The following PBX3 variants were observed in gnomAD, a reference collection of about 807,000 sequenced individuals.
PBX3 encodes PBX homeobox 3, also known as pre-B-cell leukemia transcription factor 3.
Under a neutral mutation model 48.5 loss-of-function variants are expected in PBX3, and 14 were observed. The ratio of observed to expected loss-of-function variants is 0.29; its 90% CI spans 0.19 to 0.45. PBX3 has a LOEUF of 0.45. Among genes scored for constraint, PBX3 ranks in the 20% least tolerant of loss-of-function variants. The pLI, the probability that PBX3 is intolerant of heterozygous loss-of-function variation, is 1.00. For synonymous variants in PBX3, 210 were observed against 200.3 expected (o/e 1.05, Z -0.41); for missense variants, 386 against 546.7 (o/e 0.71, Z 2.93).
intron 2 of PBX3, among the ~76,000 whole-genome samples, chr9:125,866,740 T>C (rs1839991339): frequency 1.3e-5 from 2 of 152,210 alleles, no homozygotes; most frequent in South Asian, 4.1e-4. Context: ...AACTTTGTTT[T>C]AAAATAGCAT....
chr9:125,747,447 C>A lies in PBX3; in HGVS notation c.-7C>A. 4 of 1,485,690 alleles carry A rather than the reference C, an allele frequency of 2.7e-6. No individual in the cohort carries two copies. The highest frequency in any genetic ancestry group is 2.3e-5 in the Admixed American group (1 of 44,214). The allele number at this position is 1,485,690 out of a possible 1,614,324, so 92.0% of individuals were successfully genotyped here. ...GCCGCCGCCCGCTCCCGCCCGCGCG[C>A]GGCGGGATGGACGATCAATCCAGGA... On this transcript the variant is annotated 5_prime_UTR_variant, in exon 1 of 9. Coordinates refer to ENST00000373489, the MANE Select transcript of PBX3 (RefSeq NM_006195.6).
intron 5 of PBX3, among the ~76,000 whole-genome samples, chr9:125,955,739 A>G (rs116442709): frequency 1.7e-3 from 266 of 152,302 alleles, no homozygotes; most frequent in African/African-American, 6.2e-3. Flanking sequence ...CTCTTCCTCC[A>G]AATCCTGTTG....
rs573623588 is a variant in PBX3, at chr9:125,853,537, C to T, written c.275-62149C>T. ...AGAATACATCAAAATGTAGCTGACC[C>T]GGGATGCCACAAATGGCCCCCTAAC... On this transcript the variant is annotated intron_variant, in intron 2 of 8. Transcript: ENST00000373489. 6.6e-5 allele frequency among the ~76,000 whole-genome samples: 10 copies of T among 152,188 alleles called. No homozygotes were observed. In the South Asian group the frequency reaches 8.3e-4, roughly 13 times the overall value.
At chr9:125,782,342 C>A (rs1402368492) in intron 2 of PBX3, among the ~76,000 whole-genome samples, 2 of 152,114 alleles carry the variant, frequency 1.3e-5, no homozygotes, top group Non-Finnish European at 2.9e-5. Context: ...TTACGTCCCA[C>A]CCCTCCCCTC....
In PBX3 at chr9:125,803,151, T is replaced by C. The variant is rs1838018876; in HGVS notation, c.274+54528T>C. Among the ~76,000 whole-genome samples the C allele has an allele frequency of 4.8e-5, 7 of 147,362 alleles. 1 individual carries two copies. In the Admixed American group the frequency reaches 4.9e-4, roughly 10 times the overall value. ...CTGTGTCGCCCAGGCTGGAGTGCAG[T>C]GGTGCGATCTCCCCTCACTGCAAAC... On this transcript the variant is annotated intron_variant, in intron 2 of 8. Coordinates refer to ENST00000373489, the MANE Select transcript of PBX3 (RefSeq NM_006195.6).
intron 2 of PBX3, among the ~76,000 whole-genome samples, chr9:125,752,029 A>G (rs1836390063): frequency 1.3e-5 from 2 of 152,250 alleles, no homozygotes; most frequent in African/African-American, 4.8e-5. Context: ...AGTAGATAAT[A>G]TGAATCACAT....
At chr9:125,889,382 T>G (rs967817034) in intron 2 of PBX3, among the ~76,000 whole-genome samples, 6 of 152,234 alleles carry the variant, frequency 3.9e-5, no homozygotes, top group African/African-American at 1.4e-4. Flanking sequence ...GCCCCTTTCC[T>G]CCGGTCCCGA....
intron 2 of PBX3, among the ~76,000 whole-genome samples, chr9:125,773,471 T>C (rs1836993317): frequency 6.6e-6 from 1 of 152,208 alleles, no homozygotes; most frequent in Non-Finnish European, 1.5e-5. Context: ...CATGACACTG[T>C]ATTTAATTAC....
chr9:125,887,889 T>C (rs1457328706), intron 2 of PBX3, among the ~76,000 whole-genome samples: 2 of 152,178 alleles, frequency 1.3e-5, no homozygotes, highest in African/African-American at 4.8e-5. Flanking sequence ...CCAATAAGAA[T>C]TTTACTGCAG....
At position 125,935,610 on chromosome 9, in the gene PBX3, G is replaced by A. The variant is rs773215681; in HGVS notation, c.843+3G>A. The A allele has an allele frequency of 1.9e-6, 3 of 1,613,502 alleles. No homozygotes were observed. The Admixed American group carries it at 5.0e-5, about 27-fold the overall frequency. Reference sequence around the variant, plus strand: ...AATGCAGCATCACAGTGTCACAGGTGAGAAAGGACCCATGGGTCTGTCTTG... The same window carrying A: ...AATGCAGCATCACAGTGTCACAGGTAAGAAAGGACCCATGGGTCTGTCTTG... On this transcript the variant is annotated splice_donor_region_variant and intron_variant, in intron 5 of 8. Coordinates refer to ENST00000373489, the MANE Select transcript of PBX3 (RefSeq NM_006195.6).
chr9:125,878,249 G>A (rs1293862697), intron 2 of PBX3, among the ~76,000 whole-genome samples: 1 of 152,206 alleles, frequency 6.6e-6, no homozygotes, highest in Non-Finnish European at 1.5e-5. Context: ...CTGGCAGCAA[G>A]CACAGTGAAA....
chr9:125,898,729 T>C (rs1296541039), intron 2 of PBX3, among the ~76,000 whole-genome samples: 1 of 151,890 alleles, frequency 6.6e-6, no homozygotes, highest in Non-Finnish European at 1.5e-5. Flanking sequence ...TCCTCTGTTT[T>C]ATAAATTCGA....
intron 2 of PBX3, among the ~76,000 whole-genome samples, chr9:125,827,658 A>G (rs1838847190): frequency 6.6e-6 from 1 of 151,852 alleles, no homozygotes; most frequent in African/African-American, 2.4e-5. Flanking sequence ...GATATCCGTG[A>G]ATTGATTTTA....
At chr9:125,895,250 G>C (rs1293062856) in intron 2 of PBX3, among the ~76,000 whole-genome samples, 1 of 152,030 alleles carries the variant, frequency 6.6e-6, no homozygotes, top group Non-Finnish European at 1.5e-5. Flanking sequence ...ATGTATGTGT[G>C]ATAAGACATA....
chr9:125,778,662 A>C (rs1837149727), intron 2 of PBX3, among the ~76,000 whole-genome samples: 1 of 146,966 alleles, frequency 6.8e-6, no homozygotes, highest in Non-Finnish European at 1.5e-5. Flanking sequence ...AAGTTTTAAC[A>C]CCTGTGCTAG....
chr9:125,823,909 C>G (rs1011525630), intron 2 of PBX3, among the ~76,000 whole-genome samples: 1 of 152,026 alleles, frequency 6.6e-6, no homozygotes, highest in Non-Finnish European at 1.5e-5. Flanking sequence ...AACCCCATCT[C>G]TACCAAAAAT....
chr9:125,813,316 G>T (rs766315366), intron 2 of PBX3, among the ~76,000 whole-genome samples: 1 of 151,568 alleles, frequency 6.6e-6, no homozygotes, highest in African/African-American at 2.4e-5. Context: ...CATTGGCATA[G>T]GCCAATGTGT....
chr9:125,949,399 G>T (rs1284184980), intron 5 of PBX3: 3 of 1,550,708 alleles, frequency 1.9e-6, no homozygotes, highest in Non-Finnish European at 2.6e-6. Context: ...GGATCCAAAA[G>T]AAAGAGGGAG....
At chr9:125,772,045 A>G (rs571088480) in intron 2 of PBX3, among the ~76,000 whole-genome samples, 2 of 152,178 alleles carry the variant, frequency 1.3e-5, no homozygotes, top group African/African-American at 4.8e-5. Flanking sequence ...GAAAAGTAGA[A>G]TATTAACCTC....
Sources: allele counts gnomAD v4.1 joint callset (sites outside exome capture counted in the v4.1 genomes callset), GRCh38; gene constraint gnomAD v4.1.1; transcripts MANE v1.5; gene names NCBI Gene and HGNC (gene_info 2026-07-23, HGNC 2026-07-21).